LRRC4C: variants seen among roughly 807,000 people sequenced by gnomAD.
LRRC4C encodes leucine-rich repeat-containing protein 4C.
LRRC4C carries 5 observed loss-of-function variants against 33.6 expected under a neutral mutation model. That is an observed-to-expected ratio of 0.15 (90% confidence interval 0.08 to 0.31). The LOEUF is 0.31. LRRC4C is among the 10% of genes least tolerant of loss of function. The pLI is 1.00. For synonymous variants in LRRC4C, 329 were observed against 302.0 expected, an observed-to-expected ratio of 1.09 and a Z score of -0.93; for missense variants, 560 against 796.7, an observed-to-expected ratio of 0.70 and a Z score of 3.58.
chr11:40,980,289 G>A (rs1203849041), intron 1 of LRRC4C, among the ~76,000 whole-genome samples: 1 of 152,170 alleles, frequency 6.6e-6, no homozygotes, highest in South Asian at 2.1e-4. Flanking sequence ...GTGCAAAGGA[G>A]AAATGTTCTC....
Position 40,846,545 on chromosome 11 carries a change from T to C in LRRC4C, c.-407+87090A>G, listed in dbSNP as rs191276209. ...CTGTTCCACTGGTCTATATATCTGT[T>C]GTGGTACCAGTTCCATGCTGTTTTG... On this transcript the variant is annotated intron_variant, in intron 2 of 6. Coordinates refer to ENST00000528697, the MANE Select transcript of LRRC4C (RefSeq NM_001258419.2). 6.6e-5 allele frequency among the ~76,000 whole-genome samples: 10 copies of C among 152,316 alleles called. No homozygotes were observed. In the East Asian group the frequency reaches 1.9e-3, roughly 29 times the overall value.
chr11:41,008,653 C>T (rs1854944005), intron 1 of LRRC4C, among the ~76,000 whole-genome samples: 1 of 152,088 alleles, frequency 6.6e-6, no homozygotes, highest in Non-Finnish European at 1.5e-5. Flanking sequence ...ATGCTATTAT[C>T]ATCCTTTCCT....
chr11:40,470,471 C>T (rs934379022), intron 3 of LRRC4C, among the ~76,000 whole-genome samples: 2 of 152,188 alleles, frequency 1.3e-5, no homozygotes, highest in Admixed American at 6.5e-5. Context: ...ACCGGAATGT[C>T]TCTTCTCCTC....
At chr11:40,311,046 C>T (rs1360952197) in intron 4 of LRRC4C, among the ~76,000 whole-genome samples, 1 of 152,158 alleles carries the variant, frequency 6.6e-6, no homozygotes, top group Non-Finnish European at 1.5e-5. Flanking sequence ...TCTGCCAAAA[C>T]AGAAAATATC....
intron 3 of LRRC4C, among the ~76,000 whole-genome samples, chr11:40,412,699 T>G (rs150098447): frequency 6.6e-6 from 1 of 152,176 alleles, no homozygotes; most frequent in Non-Finnish European, 1.5e-5. Flanking sequence ...GCGATTGTAG[T>G]TAAGAGCATT....
At chr11:40,551,117 C>A (rs970328859) in intron 3 of LRRC4C, among the ~76,000 whole-genome samples, 32 of 151,924 alleles carry the variant, frequency 2.1e-4, no homozygotes, top group African/African-American at 7.0e-4. Context: ...TCATTTCTAC[C>A]CTTGTTAAAG....
At chr11:40,365,562 G>T (rs1316149002) in intron 3 of LRRC4C, among the ~76,000 whole-genome samples, 1 of 151,948 alleles carries the variant, frequency 6.6e-6, no homozygotes, top group African/African-American at 2.4e-5. Context: ...GCAACTTTGG[G>T]GGGGCCCGAG....
At chr11:41,319,995 TA>T (rs575251048) in intron 1 of LRRC4C, among the ~76,000 whole-genome samples, 24 of 152,040 alleles carry the variant, frequency 1.6e-4, no homozygotes, top group African/African-American at 5.3e-4. Context: ...TAAAATCATT[TA>T]AAAAAAAGAA....
At chr11:40,540,763 T>C (rs1956676180) in intron 3 of LRRC4C, among the ~76,000 whole-genome samples, 1 of 152,206 alleles carries the variant, frequency 6.6e-6, no homozygotes, top group Non-Finnish European at 1.5e-5. Context: ...CAAATAGTTT[T>C]AGTTTTTTGT....
chr11:41,350,509 CAAAAAAAAA>C (rs71063914), intron 1 of LRRC4C, among the ~76,000 whole-genome samples: 2 of 106,470 alleles, frequency 1.9e-5, no homozygotes, highest in Non-Finnish European at 3.8e-5. Context: ...GACTCCATCT[CAAAAAAAAA>C]AAAAAAAAAG....
chr11:41,145,339 T>A (rs1321641771), intron 1 of LRRC4C, among the ~76,000 whole-genome samples: 2 of 152,210 alleles, frequency 1.3e-5, no homozygotes, highest in Non-Finnish European at 2.9e-5. Context: ...TTATGTTTTT[T>A]AAACTACTCA....
intron 1 of LRRC4C, among the ~76,000 whole-genome samples, chr11:40,972,015 T>C (rs1450572598): frequency 6.6e-6 from 1 of 152,196 alleles, no homozygotes; most frequent in Non-Finnish European, 1.5e-5. Context: ...TAACTTGTTT[T>C]TTATTTTACA....
chr11:41,108,528 A>G (rs1440491442), intron 1 of LRRC4C, among the ~76,000 whole-genome samples: 3 of 152,138 alleles, frequency 2.0e-5, no homozygotes, highest in African/African-American at 7.2e-5. Context: ...AACCAAACCT[A>G]TAACTACTCT....
At chr11:40,929,743 TAGC>T (rs1236263390) in intron 2 of LRRC4C, among the ~76,000 whole-genome samples, 1 of 152,080 alleles carries the variant, frequency 6.6e-6, no homozygotes, top group Non-Finnish European at 1.5e-5. Flanking sequence ...GCCTCCCGAG[TAGC>T]TAGTTATTCA....
chr11:40,581,329 A>G (rs530634309), intron 3 of LRRC4C, among the ~76,000 whole-genome samples: 1 of 152,360 alleles, frequency 6.6e-6, no homozygotes, highest in Admixed American at 6.5e-5. Context: ...ATTGGAACAT[A>G]CTGTTTCATC....
At chr11:40,411,173 C>G (rs1265708285) in intron 3 of LRRC4C, among the ~76,000 whole-genome samples, 2 of 151,994 alleles carry the variant, frequency 1.3e-5, no homozygotes, top group Non-Finnish European at 2.9e-5. Flanking sequence ...TGAATATACA[C>G]TTTTTGAATT....
chr11:40,336,498 T>C (rs1299215396), intron 3 of LRRC4C, among the ~76,000 whole-genome samples: 2 of 152,136 alleles, frequency 1.3e-5, no homozygotes, highest in Admixed American at 1.3e-4. Context: ...CCCAGCCTCA[T>C]CTCACTGCTG....
intron 3 of LRRC4C, among the ~76,000 whole-genome samples, chr11:40,539,492 A>AT (rs1040557468): frequency 4.6e-5 from 7 of 151,322 alleles, no homozygotes; most frequent in Admixed American, 1.3e-4. Flanking sequence ...AAGCTCTATC[A>AT]TTTTTTTTCA....
At position 40,273,001 on chromosome 11, in the gene LRRC4C, C is replaced by T. The variant is rs140987151; in HGVS notation, c.-175-31403G>A. The stretch of plus-strand genomic sequence containing the variant: ...ATGAGTTTAATGGCACTGTTAGATA[C>T]AATAATTTAAAACACTGTGATAATG... On this transcript the variant is annotated intron_variant, in intron 4 of 6. Transcript: ENST00000528697. 2.5e-3 allele frequency among the ~76,000 whole-genome samples: 379 copies of T among 152,034 alleles called. 2 individuals are homozygous for T. The highest frequency in any genetic ancestry group is 8.9e-3 in the African/African-American group (371 of 41,498).
Sources: allele counts gnomAD v4.1 joint callset (sites outside exome capture counted in the v4.1 genomes callset), GRCh38; gene constraint gnomAD v4.1.1; transcripts MANE v1.5; gene names NCBI Gene and HGNC (gene_info 2026-07-23, HGNC 2026-07-21).